Variants in MYO1E observed in about 807,000 individuals in gnomAD.
MYO1E encodes unconventional myosin-Ie.
Under a neutral mutation model 151.1 loss-of-function variants are expected in MYO1E, and 68 were observed. The ratio of observed to expected loss-of-function variants is 0.45; its 90% confidence interval spans 0.37 to 0.55. The LOEUF (loss-of-function observed/expected upper bound fraction) is 0.55. Ranked by LOEUF, MYO1E falls within the 20% of genes least tolerant of loss-of-function variation. MYO1E has a pLI of 0.00. For missense variants in MYO1E, 1,363 were observed against 1,389.3 expected, an observed-to-expected ratio of 0.98 and a Z score of 0.30; for synonymous variants, 601 against 501.7, an observed-to-expected ratio of 1.20 and a Z score of -2.64.
intron 6 of MYO1E, among the ~76,000 whole-genome samples, chr15:59,228,534 C>T (rs1309967355): frequency 7.3e-5 from 11 of 151,050 alleles, no homozygotes; most frequent in Non-Finnish European, 1.3e-4. Context: ...ATATATATTT[C>T]ATATGTATAT....
chr15:59,367,276 A>G (rs763847690), intron 1 of MYO1E, among the ~76,000 whole-genome samples: 9 of 152,196 alleles, frequency 5.9e-5, no homozygotes, highest in Non-Finnish European at 1.2e-4. Context: ...CACAGAGGCA[A>G]AATGTTGTAT....
intron 17 of MYO1E, among the ~76,000 whole-genome samples, chr15:59,189,545 TCCAGGCTG>T: frequency 6.6e-6 from 1 of 151,890 alleles, no homozygotes; most frequent in South Asian, 2.1e-4. Flanking sequence ...CACTTTGTCA[TCCAGGCTG>T]GAGTGCAGTG....
chr15:59,307,406 C>T (rs1039205285), intron 1 of MYO1E, among the ~76,000 whole-genome samples: 5 of 152,170 alleles, frequency 3.3e-5, no homozygotes, highest in African/African-American at 1.2e-4. Flanking sequence ...AGCAGCTGGG[C>T]AGCTGGGGCT....
In MYO1E at chr15:59,205,490, C is replaced by T. The variant is rs373819993; in HGVS notation, c.1531-5G>A. The T allele has an allele frequency of 1.3e-6, 2 of 1,572,660 alleles. No homozygotes were observed. The highest frequency in any genetic ancestry group is 2.9e-5 in the African/African-American group (2 of 67,812). ...GCCATCCATGTCATAGGATACCTGG[C>T]CAAGAATGGAAAGAAATCGAATTTC... On this transcript the variant is annotated splice_polypyrimidine_tract_variant and splice_region_variant and intron_variant, in intron 14 of 27. Transcript: ENST00000288235.
chr15:59,274,044 T>G (rs547239209), intron 1 of MYO1E, among the ~76,000 whole-genome samples: 1 of 145,684 alleles, frequency 6.9e-6, no homozygotes, highest in East Asian at 2.0e-4. Flanking sequence ...TTTTAAAAAT[T>G]TATTAAATGG....
chr15:59,231,762 G>A lies in MYO1E; in HGVS notation c.450C>T (p.Asn150=), dbSNP rs2080029603. The A allele has an allele frequency of 6.2e-7, 1 of 1,614,174 alleles. No individual in the cohort carries two copies. The highest frequency in any genetic ancestry group is 2.2e-5 in the East Asian group (1 of 44,884). ...QHVKDIILQS[N]PLLEAFGNAK... ...CGTTCCCGAAGGCCTCCAGCAGCGG[G>A]TTGGACTGCAGGATAATGTCCTTCA... The change falls in exon 6 of 28, where the codon AAC becomes AAT. Residue 150 remains asparagine, a synonymous_variant. Transcript: ENST00000288235.
intron 25 of MYO1E, among the ~76,000 whole-genome samples, chr15:59,154,765 C>G (rs147099703): frequency 3.3e-5 from 5 of 152,268 alleles, no homozygotes; most frequent in Admixed American, 2.6e-4. Flanking sequence ...CGAGATAGGT[C>G]CAGAATCTGC....
intron 25 of MYO1E, among the ~76,000 whole-genome samples, chr15:59,154,743 A>G (rs1262882795): frequency 6.6e-6 from 1 of 152,192 alleles, no homozygotes; most frequent in Admixed American, 6.5e-5. Flanking sequence ...TCAGTTCTTC[A>G]TGAAAGAACC....
At position 59,225,792 on chromosome 15, in the gene MYO1E, G is replaced by A. The variant is rs373432234; in HGVS notation, c.643-969C>T. On this transcript the variant is annotated intron_variant, in intron 7 of 27. Transcript: ENST00000288235. ...CTCCTGAGTAGCTGGGACTACAGGC[G>A]CCCACCACCACGGCCAGCTAATTTT... Among the ~76,000 whole-genome samples, 13 of 151,662 alleles carry A rather than the reference G, an allele frequency of 8.6e-5. No individual in the cohort carries two copies. The East Asian group carries it at 1.4e-3, about 16-fold the overall frequency.
chr15:59,196,181 A>G (rs1358955403), intron 16 of MYO1E, among the ~76,000 whole-genome samples: 12 of 152,210 alleles, frequency 7.9e-5, no homozygotes, highest in African/African-American at 2.7e-4. Context: ...AAACCTGCAG[A>G]GTCTGAACAC....
chr15:59,330,517 G>C (rs1233732138), intron 1 of MYO1E, among the ~76,000 whole-genome samples: 1 of 152,166 alleles, frequency 6.6e-6, no homozygotes, highest in African/African-American at 2.4e-5. Flanking sequence ...TCAGGTTTTT[G>C]CCTAAGTCAA....
At chr15:59,230,238 G>A (rs1310969268) in intron 6 of MYO1E, among the ~76,000 whole-genome samples, 2 of 151,944 alleles carry the variant, frequency 1.3e-5, no homozygotes, top group East Asian at 3.9e-4. Flanking sequence ...GTGTGTGTGT[G>A]TGTGTGTGTG....
At chr15:59,157,167 A>C (rs1348072763) in intron 25 of MYO1E, among the ~76,000 whole-genome samples, 1 of 152,136 alleles carries the variant, frequency 6.6e-6, no homozygotes. Context: ...CTGAGGCTGC[A>C]GTGAGCTATG....
intron 17 of MYO1E, among the ~76,000 whole-genome samples, chr15:59,193,554 C>G (rs1797235572): frequency 6.6e-6 from 1 of 152,172 alleles, no homozygotes; most frequent in Admixed American, 6.5e-5. Context: ...ATTTCATGTC[C>G]TAGAGAAACT....
At position 59,132,655 on chromosome 15, in the gene MYO1E, G is replaced by A. The variant is rs927602905; in HGVS notation, c.*4725C>T. ...GAGATGATGTATCCATAGTATAGAA[G>A]AGCACTAACTCTGAACGTGGGTGCT... On this transcript the variant is annotated 3_prime_UTR_variant, in exon 28 of 28. Transcript: ENST00000288235. The A allele has an allele frequency of 1.3e-5, 2 of 152,110 alleles. No individual in the cohort carries two copies. Among genetic ancestry groups the A allele is most frequent in the East Asian group, 3.9e-4 (2 of 5,192 alleles). The allele number at this position is 152,110 out of a possible 1,614,324, so 9.4% of individuals were successfully genotyped here. A position where few individuals can be genotyped will look rare whatever the true frequency, so the allele number is the denominator to read the frequency against.
chr15:59,264,637 A>T (rs1596390814), intron 2 of MYO1E, among the ~76,000 whole-genome samples: 1 of 152,244 alleles, frequency 6.6e-6, no homozygotes, highest in African/African-American at 2.4e-5. Context: ...CTTCTAACTT[A>T]GATTCTCTGA....
chr15:59,278,986 G>A (rs1047564032), intron 1 of MYO1E, among the ~76,000 whole-genome samples: 10 of 152,062 alleles, frequency 6.6e-5, no homozygotes, highest in Non-Finnish European at 1.3e-4. Context: ...GGGGTGGCAC[G>A]TGAGGCTCGG....
intron 8 of MYO1E, among the ~76,000 whole-genome samples, chr15:59,224,339 G>A (rs952799336): frequency 1.3e-5 from 2 of 152,200 alleles, no homozygotes; most frequent in Admixed American, 6.5e-5. Flanking sequence ...GTCCATAGAC[G>A]TGCGGTTTGC....
chr15:59,173,959 T>C (rs751318898), intron 20 of MYO1E, 44 bp from the exon 21 acceptor site: 2 of 1,600,188 alleles, frequency 1.2e-6, no homozygotes, highest in Non-Finnish European at 1.7e-6. Flanking sequence ...GATAAGTCAG[T>C]CAGAAAAGGG....
Sources: gnomAD v4.1 joint callset for allele counts (sites outside exome capture counted in the v4.1 genomes callset) on GRCh38, gnomAD v4.1.1 for gene constraint, MANE v1.5 for transcripts, NCBI Gene and HGNC (gene_info 2026-07-23, HGNC 2026-07-21) for gene names.